PDCD11: variants seen among roughly 807,000 people sequenced by gnomAD.
PDCD11 encodes the protein programmed cell death 11.
Under a neutral mutation model 198.9 loss-of-function variants are expected in PDCD11, and 97 were observed. That is an observed-to-expected ratio of 0.49 (90% CI 0.41 to 0.58). The LOEUF (loss-of-function observed/expected upper bound fraction) is 0.58, where lower values mean the gene tolerates loss of function less well. Ranked by LOEUF, PDCD11 falls within the 20% of genes least tolerant of loss-of-function variation. PDCD11 has a pLI of 0.00. For missense variants in PDCD11, 2,102 were observed against 2,312.7 expected (o/e 0.91, Z 1.87); for synonymous variants, 893 against 918.0 (o/e 0.97, Z 0.49).
intron 27 of PDCD11, 79 bp from the exon 28 acceptor site, chr10:103,439,667 T>G: frequency 2.1e-5 from 33 of 1,543,460 alleles, no homozygotes; most frequent in Non-Finnish European, 2.6e-5. Flanking sequence ...TGAGTCCCTG[T>G]GAGAGTGAAG....
At position 103,413,319 on chromosome 10, in the gene PDCD11, C is replaced by T. The variant is rs761362172; in HGVS notation, c.1182C>T (p.Ala394=). 6.2e-7 allele frequency: 1 copy of T among 1,613,508 alleles called. No individual in the cohort carries two copies. The change falls in exon 9 of 36, where the codon GCC becomes GCT. Residue 394 remains alanine (A), a synonymous_variant. Transcript: ENST00000369797. Reference sequence around the variant, plus strand: ...TGAAGGATGGGGTTCTGGCCTATGCCCGGGTAAGGAGGCCTCTTTGTTTGG... The same window carrying T: ...TGAAGGATGGGGTTCTGGCCTATGCTCGGGTAAGGAGGCCTCTTTGTTTGG... ...FRLKDGVLAY[A]RLSHLSDSKN... is the part of the protein sequence containing the mutation.
At chr10:103,399,800 G>C (rs1244839833) in intron 2 of PDCD11, 1 of 152,148 alleles carries the variant, frequency 6.6e-6, no homozygotes, top group African/African-American at 2.4e-5. Flanking sequence ...CAATTCTCCT[G>C]TATCAGCCTC....
Position 103,425,208 on chromosome 10 carries a change from G to T in PDCD11, c.2988G>T (p.Gly996=), listed in dbSNP as rs374875762. The change falls in exon 20 of 36, where the codon GGG becomes GGT. Residue 996 remains glycine, a synonymous_variant. Transcript: ENST00000369797. ...CTGGCCTTCTTTTGGCTGTGGAGGG[G>T]CCGGCTGCCAAGAGGACCATGAGGC... is the stretch of plus-strand genomic sequence containing the variant. ...GVTGLLLAVE[G]PAAKRTMRPT... is the part of the protein sequence containing the mutation. The T allele has an allele frequency of 1.2e-6, 2 of 1,614,148 alleles. No homozygotes were observed. The highest frequency in any genetic ancestry group is 4.5e-5 in the East Asian group (2 of 44,870).
At chr10:103,397,970 C>T (rs984061381) in intron 1 of PDCD11, among the ~76,000 whole-genome samples, 5 of 152,214 alleles carry the variant, frequency 3.3e-5, no homozygotes, top group African/African-American at 1.2e-4. Context: ...AAGCTTGCCT[C>T]CTTTACTTAT....
At chr10:103,428,228 T>A (rs918423702) in intron 21 of PDCD11, among the ~76,000 whole-genome samples, 1 of 151,794 alleles carries the variant, frequency 6.6e-6, no homozygotes, top group Non-Finnish European at 1.5e-5. Context: ...TTGCTTAAAT[T>A]TGGGAGACGG....
intron 8 of PDCD11, 98 bp downstream of exon 8, chr10:103,409,904 A>C: frequency 4.8e-6 from 4 of 838,808 alleles, no homozygotes; most frequent in South Asian, 4.1e-5. Flanking sequence ...GACTGCATGC[A>C]TACAGGTGTG....
intron 7 of PDCD11, among the ~76,000 whole-genome samples, chr10:103,407,900 G>T (rs1489205313): frequency 6.6e-6 from 1 of 151,786 alleles, no homozygotes; most frequent in Non-Finnish European, 1.5e-5. Flanking sequence ...TGTGTTTTTA[G>T]TAGAGACAGG....
rs1447766939 is a variant in PDCD11 at position 103,421,488 on chromosome 10, C to T, written c.2418C>T (p.Asp806=). The change falls in exon 17 of 36, where the codon GAC becomes GAT. Residue 806 remains aspartate (D), a synonymous_variant. Transcript: ENST00000369797. ...SLRLSDCGLG[D]LAITSLLLLN... is the part of the protein sequence containing the mutation. ...GGCTGTCGGACTGTGGTCTGGGGGA[C>T]TTGGCTATCACCAGCCTCCTCCTCC... is the stretch of plus-strand genomic sequence containing the variant. The T allele has an allele frequency of 6.3e-7, 1 of 1,597,058 alleles. No homozygotes were observed. The highest frequency in any genetic ancestry group is 8.5e-7 in the Non-Finnish European group (1 of 1,171,722).
chr10:103,421,946 C>T (rs1175583859), intron 17 of PDCD11, among the ~76,000 whole-genome samples: 1 of 139,018 alleles, frequency 7.2e-6, no homozygotes, highest in Non-Finnish European at 1.5e-5. Context: ...CGCAGTCCGG[C>T]CTGGGTGACA....
At chr10:103,439,106 A>G (rs1440447409) in intron 27 of PDCD11, among the ~76,000 whole-genome samples, 1 of 152,098 alleles carries the variant, frequency 6.6e-6, no homozygotes, top group Admixed American at 6.6e-5. Context: ...AGAGGCCGAG[A>G]TGAGAGAATT....
Position 103,417,879 on chromosome 10 carries a change from A to G in PDCD11, c.1858A>G (p.Lys620Glu), listed in dbSNP as rs1260752433. 6.2e-7 allele frequency: 1 copy of G among 1,614,104 alleles called. No individual in the cohort carries two copies. The highest frequency in any genetic ancestry group is 8.5e-7 in the Non-Finnish European group (1 of 1,180,042). The change falls in exon 14 of 36, where the codon AAA (lysine) becomes GAA (glutamate). Residue 620 changes from lysine to glutamate, a missense_variant. Coordinates refer to ENST00000369797, the MANE Select transcript of PDCD11 (RefSeq NM_014976.2). Reference protein sequence around the residue: ...FKLSSDPEPKKEPAGHSQKKG... With the variant: ...FKLSSDPEPKEEPAGHSQKKG... Reference sequence around the variant, plus strand: ...GCTGTCGAGTGATCCAGAGCCAAAGAAAGAGCCTGCAGGACACAGTCAGAA... The same window carrying G: ...GCTGTCGAGTGATCCAGAGCCAAAGGAAGAGCCTGCAGGACACAGTCAGAA...
rs768861478 is a variant in PDCD11 at position 103,416,755 on chromosome 10, C to T, written c.1770+13C>T. The T allele has an allele frequency of 1.2e-6, 2 of 1,610,868 alleles. No homozygotes were observed. The highest frequency in any genetic ancestry group is 1.1e-5 in the South Asian group (1 of 90,998). ...TTACACTGGCCAGGTAACCCTTCCC[C>T]TAGACAGGTCCCCTTTACCCTTGGT... On this transcript the variant is annotated intron_variant, in intron 13 of 35. Transcript: ENST00000369797.
chr10:103,444,178 C>G, intron 34 of PDCD11, 110 bp downstream of exon 34: 1 of 861,308 alleles, frequency 1.2e-6, no homozygotes, highest in East Asian at 2.6e-5. Context: ...GAGGGCTTTC[C>G]TCTTGCTGCC....
At chr10:103,412,730 C>T (rs999536024) in intron 8 of PDCD11, among the ~76,000 whole-genome samples, 5 of 152,208 alleles carry the variant, frequency 3.3e-5, no homozygotes, top group East Asian at 1.9e-4. Context: ...TCCCAAAGTG[C>T]TGGGATTACA....
intron 30 of PDCD11, 151 bp from the exon 31 acceptor site, chr10:103,441,675 G>A: frequency 4.5e-6 from 3 of 670,598 alleles, no homozygotes; most frequent in Admixed American, 2.6e-5. Flanking sequence ...TCCCCAGTGG[G>A]CTGGGGCCTG....
rs536403325 is a variant in PDCD11, at chr10:103,413,335, C to T, written c.1185+13C>T. 2 of 1,607,724 alleles carry T rather than the reference C, an allele frequency of 1.2e-6. No individual in the cohort carries two copies. Among genetic ancestry groups the T allele is most frequent in the Admixed American group, 3.3e-5 (2 of 59,930 alleles). ...GGCCTATGCCCGGGTAAGGAGGCCT[C>T]TTTGTTTGGTCAGGGATCTTATCAC... On this transcript the variant is annotated intron_variant, in intron 9 of 35. Transcript: ENST00000369797.
At chr10:103,437,292 C>T (rs958917597) in intron 25 of PDCD11, among the ~76,000 whole-genome samples, 2 of 152,056 alleles carry the variant, frequency 1.3e-5, no homozygotes, top group Non-Finnish European at 2.9e-5. Flanking sequence ...CAGGTGTGTG[C>T]CACCACACCT....
At chr10:103,442,053 G>T (rs1208695027) in intron 31 of PDCD11, 78 bp downstream of exon 31, 2 of 1,580,362 alleles carry the variant, frequency 1.3e-6, no homozygotes, top group Non-Finnish European at 1.7e-6. Flanking sequence ...CCTAGACTGG[G>T]TGTCTTCCTG....
chr10:103,436,101 CTTGTT>C (rs771664459), intron 25 of PDCD11, among the ~76,000 whole-genome samples: 6 of 149,926 alleles, frequency 4.0e-5, no homozygotes, highest in Non-Finnish European at 8.9e-5. Flanking sequence ...AATCTTGGCT[CTTGTT>C]TTGTTTTGTT....
Sources: gnomAD v4.1 joint callset for allele counts (sites outside exome capture counted in the v4.1 genomes callset) on GRCh38, gnomAD v4.1.1 for gene constraint, MANE v1.5 for transcripts, NCBI Gene and HGNC (gene_info 2026-07-23, HGNC 2026-07-21) for gene names.